The following CCNY variants were observed in gnomAD, a reference collection of about 807,000 sequenced individuals.
The protein encoded by CCNY is cyclin-Y.
In CCNY, 19 loss-of-function variants were observed where a neutral mutation model predicts 42.8. That is an observed-to-expected ratio of 0.44 (90% CI 0.31 to 0.65). The LOEUF (loss-of-function observed/expected upper bound fraction) is 0.65. CCNY is among the 30% of genes least tolerant of loss of function. The pLI is 0.07. For missense variants in CCNY, 370 were observed against 437.3 expected (o/e 0.85, Z 1.37); for synonymous variants, 165 against 162.7 (o/e 1.01, Z -0.11).
intron 3 of CCNY, among the ~76,000 whole-genome samples, chr10:35,319,684 G>A (rs1463929615): frequency 1.3e-5 from 2 of 152,038 alleles, no homozygotes; most frequent in African/African-American, 4.8e-5. Flanking sequence ...GACCAGCCAG[G>A]CCAACATAGT....
chr10:35,554,216 G>A (rs146737144), intron 8 of CCNY, among the ~76,000 whole-genome samples: 3 of 152,124 alleles, frequency 2.0e-5, no homozygotes, highest in South Asian at 2.1e-4. Context: ...TCTGGATTCC[G>A]CAGCAGCCTA....
intron 1 of CCNY, chr10:35,449,884 C>A: frequency 6.3e-6 from 5 of 798,392 alleles, no homozygotes; most frequent in Non-Finnish European, 7.6e-6. Context: ...GATGCTATCT[C>A]GCACCACTCA....
At chr10:35,373,968 A>C (rs1186777693) in intron 1 of CCNY, among the ~76,000 whole-genome samples, 3 of 151,488 alleles carry the variant, frequency 2.0e-5, no homozygotes, top group African/African-American at 7.2e-5. Context: ...TTTCATGTTA[A>C]TTGCATAGAA....
intron 7 of CCNY, among the ~76,000 whole-genome samples, chr10:35,544,625 T>C (rs1400773024): frequency 1.3e-5 from 2 of 152,084 alleles, no homozygotes; most frequent in African/African-American, 2.4e-5. Context: ...TTGTGTTGAG[T>C]GTTGGTTACG....
chr10:35,259,287 C>T (rs533212122), intron 3 of CCNY, among the ~76,000 whole-genome samples: 18 of 152,066 alleles, frequency 1.2e-4, no homozygotes, highest in African/African-American at 3.9e-4. Flanking sequence ...CTTATTTATT[C>T]ACTGTGGCCT....
At chr10:35,475,003 G>A (rs1200202789) in intron 1 of CCNY, among the ~76,000 whole-genome samples, 1 of 152,164 alleles carries the variant, frequency 6.6e-6, no homozygotes, top group African/African-American at 2.4e-5. Flanking sequence ...GAAGAATGCA[G>A]AAGCCTCAGG....
At chr10:35,262,484 G>A (rs181216170) in intron 3 of CCNY, among the ~76,000 whole-genome samples, 562 of 151,516 alleles carry the variant, frequency 3.7e-3, no homozygotes, top group Middle Eastern at 6.8e-3. Context: ...TCTGCCTCCC[G>A]AGTAGCTGGG....
At chr10:35,519,341 C>G (rs936164118) in intron 4 of CCNY, among the ~76,000 whole-genome samples, 21 of 151,992 alleles carry the variant, frequency 1.4e-4, no homozygotes, top group African/African-American at 4.8e-4. Flanking sequence ...TTTAACAGAT[C>G]TTGATTGAAT....
intron 3 of CCNY, among the ~76,000 whole-genome samples, chr10:35,299,815 A>C (rs1046627392): frequency 1.3e-5 from 2 of 152,082 alleles, no homozygotes; most frequent in African/African-American, 4.8e-5. Flanking sequence ...TATTTATACC[A>C]TATGTTTTTA....
chr10:35,493,221 C>G (rs1274537855), intron 2 of CCNY, among the ~76,000 whole-genome samples: 1 of 152,164 alleles, frequency 6.6e-6, no homozygotes, highest in Non-Finnish European at 1.5e-5. Context: ...TATCCTCTCT[C>G]CTGACCTGCG....
In CCNY at chr10:35,500,700, A is replaced by G. The variant is rs368283514; in HGVS notation, c.230-801A>G. Among the ~76,000 whole-genome samples, 9 of 152,350 alleles carry G rather than the reference A, an allele frequency of 5.9e-5. No homozygotes were observed. In the East Asian group the frequency reaches 1.2e-3, roughly 20 times the overall value. ...CTTCAGAAAAGAAAATGCAAAGTTC[A>G]GTGATACTAGGTTATTACAAGCTCT... On this transcript the variant is annotated intron_variant, in intron 2 of 9. Coordinates refer to ENST00000374704, the MANE Select transcript of CCNY (RefSeq NM_145012.6).
Position 35,533,669 on chromosome 10 carries a change from A to C in CCNY, c.579+3426A>C, listed in dbSNP as rs190319075. Among the ~76,000 whole-genome samples, 337 of 151,842 alleles carry C rather than the reference A, an allele frequency of 2.2e-3. 1 individual carries two copies. The highest frequency in any genetic ancestry group is 7.8e-3 in the African/African-American group (321 of 41,392). ...AGTTGCAACCTCCCTCCTGCACCGC[A>C]CTCCCTGCTCATCACTTCCTGCTTT... On this transcript the variant is annotated intron_variant, in intron 7 of 9. Coordinates refer to ENST00000374704, the MANE Select transcript of CCNY (RefSeq NM_145012.6).
chr10:35,380,771 C>G (rs75598449), intron 1 of CCNY, among the ~76,000 whole-genome samples: 1 of 152,208 alleles, frequency 6.6e-6, no homozygotes, highest in Non-Finnish European at 1.5e-5. Context: ...TGTGACTTCA[C>G]CCTCTCTGCT....
rs80212169 is a variant in CCNY, at chr10:35,359,745, T to C, written c.154+22538T>C. The stretch of plus-strand genomic sequence containing the variant: ...GAACTACTTCTTCCCAAACTGAGAC[T>C]CCGTGCTAAGTTGTTAAAAAACCCC... On this transcript the variant is annotated intron_variant, in intron 1 of 9. Coordinates refer to ENST00000374704, the MANE Select transcript of CCNY (RefSeq NM_145012.6). Among the ~76,000 whole-genome samples, 45 of 152,314 alleles carry C rather than the reference T, an allele frequency of 3.0e-4. No individual in the cohort carries two copies. In the East Asian group the frequency reaches 6.2e-3, roughly 21 times the overall value.
chr10:35,403,444 A>G (rs1401216235), intron 1 of CCNY, among the ~76,000 whole-genome samples: 2 of 152,168 alleles, frequency 1.3e-5, no homozygotes, highest in African/African-American at 4.8e-5. Context: ...ACTGGCCGTG[A>G]GGGACAGAAG....
intron 3 of CCNY, among the ~76,000 whole-genome samples, chr10:35,280,398 A>G (rs1313842322): frequency 7.4e-6 from 1 of 135,470 alleles, no homozygotes; most frequent in South Asian, 2.4e-4. Flanking sequence ...AGGAAGAAGG[A>G]AAGGAAGGAA....
At chr10:35,434,558 T>C (rs890174815) in intron 1 of CCNY, among the ~76,000 whole-genome samples, 8 of 152,268 alleles carry the variant, frequency 5.3e-5, no homozygotes, top group African/African-American at 1.4e-4. Flanking sequence ...AATTTTGAAC[T>C]CTGTTTTTCT....
chr10:35,326,937 C>T (rs1835886805), intron 3 of CCNY, among the ~76,000 whole-genome samples: 1 of 152,098 alleles, frequency 6.6e-6, no homozygotes, highest in South Asian at 2.1e-4. Context: ...TTTGTCTCCT[C>T]GTCCTCCTGG....
intron 3 of CCNY, among the ~76,000 whole-genome samples, chr10:35,323,824 G>T (rs1835849648): frequency 6.6e-6 from 1 of 152,132 alleles, no homozygotes; most frequent in South Asian, 2.1e-4. Flanking sequence ...TTTGAGACCA[G>T]CCTGGCCAAC....
Sources: allele counts gnomAD v4.1 joint callset (sites outside exome capture counted in the v4.1 genomes callset), GRCh38; gene constraint gnomAD v4.1.1; transcripts MANE v1.5; gene names NCBI Gene and HGNC (gene_info 2026-07-23, HGNC 2026-07-21).